Variants in DCDC1 observed in about 807,000 individuals in gnomAD.
DCDC1 encodes doublecortin domain containing 1, also known as doublecortin domain-containing protein 1.
A neutral mutation model predicts 178.3 loss-of-function variants in DCDC1; 200 were observed. That is an observed-to-expected ratio of 1.12 (90% CI 1.00 to 1.26). The LOEUF (loss-of-function observed/expected upper bound fraction) is 1.26, where lower values mean the gene tolerates loss of function less well. Ranked by LOEUF, DCDC1 falls within the 50% of genes most tolerant of loss-of-function variation. DCDC1 has a pLI of 0.00. For missense variants in DCDC1, 1,983 were observed against 1,749.2 expected, an observed-to-expected ratio of 1.13 and a Z score of -2.38; for synonymous variants, 690 against 604.8, an observed-to-expected ratio of 1.14 and a Z score of -2.07.
chr11:31,334,592 G>A (rs1950176350), intron 2 of DCDC1, among the ~76,000 whole-genome samples: 1 of 152,138 alleles, frequency 6.6e-6, no homozygotes, highest in Non-Finnish European at 1.5e-5. Flanking sequence ...TGTTGATGTT[G>A]ATGCTATTCC....
At chr11:31,162,042 C>G (rs1445263474) in intron 9 of DCDC1, among the ~76,000 whole-genome samples, 1 of 152,088 alleles carries the variant, frequency 6.6e-6, no homozygotes, top group African/African-American at 2.4e-5. Flanking sequence ...TTAACAAAAA[C>G]TTATTTTCTA....
chr11:30,874,217 A>G, intron 38 of DCDC1, among the ~76,000 whole-genome samples: 1 of 152,132 alleles, frequency 6.6e-6, no homozygotes, highest in South Asian at 2.1e-4. Flanking sequence ...AGTTTCTTAC[A>G]CTGTGGTCAC....
chr11:30,891,306 T>C (rs1448373176), intron 36 of DCDC1, among the ~76,000 whole-genome samples: 1 of 152,282 alleles, frequency 6.6e-6, no homozygotes, highest in African/African-American at 2.4e-5. Flanking sequence ...CTCATAAAAA[T>C]TATATGATCA....
intron 1 of DCDC1, among the ~76,000 whole-genome samples, chr11:31,356,956 AC>A: frequency 6.6e-6 from 1 of 152,320 alleles, no homozygotes; most frequent in Middle Eastern, 3.4e-3. Flanking sequence ...TAGCTTACCA[AC>A]CAAAAAGAGT....
chr11:30,952,740 T>TA (rs1200628986), intron 20 of DCDC1, among the ~76,000 whole-genome samples, 172 bp from the exon 21 acceptor site: 1 of 152,116 alleles, frequency 6.6e-6, no homozygotes, highest in Non-Finnish European at 1.5e-5. Flanking sequence ...AGTAACTTAC[T>TA]AAAAAATAAT....
At chr11:31,115,110 C>T (rs571181147) in intron 11 of DCDC1, among the ~76,000 whole-genome samples, 9 of 152,168 alleles carry the variant, frequency 5.9e-5, no homozygotes, top group South Asian at 4.2e-4. Context: ...AAAATGTCAA[C>T]GAAGTACTAA....
At chr11:31,355,447 T>C (rs1231227248) in intron 1 of DCDC1, among the ~76,000 whole-genome samples, 3 of 152,228 alleles carry the variant, frequency 2.0e-5, no homozygotes, top group South Asian at 4.1e-4. Flanking sequence ...TTCCTCATTA[T>C]GTAATTGACA....
chr11:30,911,128 C>A (rs1055863400), intron 28 of DCDC1, among the ~76,000 whole-genome samples, 199 bp downstream of exon 28: 1 of 152,118 alleles, frequency 6.6e-6, no homozygotes, highest in Non-Finnish European at 1.5e-5. Context: ...CCACAATCAC[C>A]ATCTGTTGGA....
intron 9 of DCDC1, among the ~76,000 whole-genome samples, chr11:31,206,545 C>T (rs402415): frequency 6.6e-6 from 1 of 152,152 alleles, no homozygotes; most frequent in African/African-American, 2.4e-5. Flanking sequence ...TCCGGAGTAG[C>T]TGGGATTACA....
chr11:30,911,731 C>T (rs928176097), intron 27 of DCDC1, among the ~76,000 whole-genome samples: 1 of 152,080 alleles, frequency 6.6e-6, no homozygotes, highest in Non-Finnish European at 1.5e-5. Context: ...TCTCCTGGGA[C>T]CTTCATAGCC....
At chr11:31,291,309 G>C (rs1220871280) in intron 6 of DCDC1, among the ~76,000 whole-genome samples, 1 of 151,988 alleles carries the variant, frequency 6.6e-6, no homozygotes, top group Non-Finnish European at 1.5e-5. Context: ...TAAAGATGCT[G>C]ACCTCCAAAT....
intron 11 of DCDC1, among the ~76,000 whole-genome samples, chr11:31,112,255 C>T (rs1959189858): frequency 6.6e-6 from 1 of 152,020 alleles, no homozygotes; most frequent in Non-Finnish European, 1.5e-5. Context: ...ATTAATATGC[C>T]TATTTTTAAA....
In DCDC1 at chr11:31,215,474, A is replaced by G. The variant is rs1973423381; in HGVS notation, c.1221+25976T>C. Among the ~76,000 whole-genome samples the G allele has an allele frequency of 2.0e-5, 3 of 152,172 alleles. No homozygotes were observed. The South Asian group carries it at 6.2e-4, about 32-fold the overall frequency. On this transcript the variant is annotated intron_variant, in intron 9 of 38. Coordinates refer to ENST00000684477, the MANE Select transcript of DCDC1 (RefSeq NM_001387274.1). Reference sequence around the variant, plus strand: ...AATCTTTTGTTAGCCACCACTTAAAACTTGTCAGCTACTTCTCTGCCTAAA... The same window carrying G: ...AATCTTTTGTTAGCCACCACTTAAAGCTTGTCAGCTACTTCTCTGCCTAAA...
intron 21 of DCDC1, among the ~76,000 whole-genome samples, chr11:30,947,654 G>A (rs1448362959): frequency 6.6e-6 from 1 of 152,064 alleles, no homozygotes; most frequent in East Asian, 1.9e-4. Context: ...AGAATAGTCT[G>A]GGAAGAATTT....
rs935699533 is a variant in DCDC1, at chr11:31,139,775, C to T, written c.1222-1991G>A. 1.3e-4 allele frequency among the ~76,000 whole-genome samples: 20 copies of T among 152,020 alleles called. No homozygotes were observed. The South Asian group carries it at 1.9e-3, about 14-fold the overall frequency. On this transcript the variant is annotated intron_variant, in intron 9 of 38. Coordinates refer to ENST00000684477, the MANE Select transcript of DCDC1 (RefSeq NM_001387274.1). ...CCACAGTTGGAAAAAAAAAAATCACCTCCACTCTAATATTCAACTACTAAA... is the reference window on the plus strand; with the variant it reads ...CCACAGTTGGAAAAAAAAAAATCACTTCCACTCTAATATTCAACTACTAAA...
rs533623234 is a variant in DCDC1, at chr11:31,193,141, G to A, written c.1221+48309C>T. On this transcript the variant is annotated intron_variant, in intron 9 of 38. Transcript: ENST00000684477. ...GGACTCAGACTGAATTACATCACTG[G>A]CTTTCCTGGTTCTCTAGTTTGCAGA... Among the ~76,000 whole-genome samples, 6 of 152,062 alleles carry A rather than the reference G, an allele frequency of 3.9e-5. No individual in the cohort carries two copies. The East Asian group carries it at 1.2e-3, about 29-fold the overall frequency.
chr11:31,179,164 A>T (rs556216437), intron 9 of DCDC1, among the ~76,000 whole-genome samples: 67 of 152,320 alleles, frequency 4.4e-4, no homozygotes, highest in Admixed American at 7.2e-4. Flanking sequence ...AATGACTGTC[A>T]CCAAAAAGAG....
intron 33 of DCDC1, 36 bp downstream of exon 33, chr11:30,900,310 T>C (rs779351420): frequency 6.7e-7 from 1 of 1,481,852 alleles, no homozygotes; most frequent in Non-Finnish European, 9.0e-7. Context: ...TCCCTTCATA[T>C]ACTTGCTTGA....
At chr11:31,347,119 C>G (rs545668145) in intron 1 of DCDC1, among the ~76,000 whole-genome samples, 4 of 152,152 alleles carry the variant, frequency 2.6e-5, no homozygotes, top group African/African-American at 9.7e-5. Flanking sequence ...CAATAACTAC[C>G]TCCAGCCTCA....
Sources: gnomAD v4.1 joint callset for allele counts (sites outside exome capture counted in the v4.1 genomes callset) on GRCh38, gnomAD v4.1.1 for gene constraint, MANE v1.5 for transcripts, NCBI Gene and HGNC (gene_info 2026-07-23, HGNC 2026-07-21) for gene names.